Variants in ZSWIM5 observed in about 807,000 individuals in gnomAD.
ZSWIM5 encodes the protein zinc finger SWIM-type containing 5.
ZSWIM5 carries 55 observed loss-of-function variants against 119.6 expected under a neutral mutation model. That is an observed-to-expected ratio of 0.46 (90% CI 0.37 to 0.58). The LOEUF (loss-of-function observed/expected upper bound fraction) is 0.58. ZSWIM5 is among the 20% of genes least tolerant of loss of function. ZSWIM5 has a pLI of 0.00. For missense variants in ZSWIM5, 1,193 were observed against 1,512.8 expected (o/e 0.79, Z 3.51); for synonymous variants, 537 against 606.9 (o/e 0.88, Z 1.69).
chr1:45,078,453 A>G (rs577398096), intron 2 of ZSWIM5, among the ~76,000 whole-genome samples: 139 of 152,298 alleles, frequency 9.1e-4, no homozygotes, highest in African/African-American at 3.2e-3. Context: ...GGTCTAGAAC[A>G]AGATCTGGAA....
intron 1 of ZSWIM5, among the ~76,000 whole-genome samples, chr1:45,177,860 A>G (rs1156915499): frequency 6.6e-6 from 1 of 152,070 alleles, no homozygotes; most frequent in East Asian, 1.9e-4. Flanking sequence ...GTGACTTGAT[A>G]AGGACCAAGG....
At chr1:45,066,447 AG>A (rs1160887638) in intron 2 of ZSWIM5, among the ~76,000 whole-genome samples, 4 of 152,252 alleles carry the variant, frequency 2.6e-5, no homozygotes, top group Non-Finnish European at 5.9e-5. Flanking sequence ...GAAGAGTCAA[AG>A]AAGGCTTCTC....
chr1:45,080,546 C>T (rs1645283667), intron 2 of ZSWIM5, among the ~76,000 whole-genome samples: 1 of 152,208 alleles, frequency 6.6e-6, no homozygotes, highest in Admixed American at 6.5e-5. Context: ...GTTTTTCCTA[C>T]TTCCTCAGTG....
intron 1 of ZSWIM5, among the ~76,000 whole-genome samples, chr1:45,193,506 A>C (rs1457805025): frequency 1.3e-5 from 2 of 152,218 alleles, no homozygotes; most frequent in Non-Finnish European, 2.9e-5. Flanking sequence ...TTTCAAGAGA[A>C]ATGTATAGTA....
In ZSWIM5 at chr1:45,057,283, G is replaced by A. The variant is rs1358214053; in HGVS notation, c.1252+1326C>T. On this transcript the variant is annotated intron_variant, in intron 4 of 13. Transcript: ENST00000359600. This position sits in a 1 kb window ranked among gnomAD's most constrained non-coding sequence, Gnocchi z 4.7. ...GATTCTGAAAGGTTTGAGAACCACT[G>A]TCTTAGCAGAATGCTGAGGGTTTCT... 6.6e-6 allele frequency among the ~76,000 whole-genome samples: 1 copy of A among 152,268 alleles called. No homozygotes were observed. The highest frequency in any genetic ancestry group is 2.4e-5 in the African/African-American group (1 of 41,470).
chr1:45,183,705 G>A (rs1444223880), intron 1 of ZSWIM5, among the ~76,000 whole-genome samples: 2 of 152,176 alleles, frequency 1.3e-5, no homozygotes, highest in Non-Finnish European at 2.9e-5. Flanking sequence ...CCAGGAAGAA[G>A]TTGAATCTCT....
intron 2 of ZSWIM5, among the ~76,000 whole-genome samples, chr1:45,083,195 G>A (rs1478512118): frequency 1.3e-5 from 2 of 152,166 alleles, no homozygotes; most frequent in Non-Finnish European, 2.9e-5. Context: ...TGAGTATAAA[G>A]CAACGTAACA....
In ZSWIM5 at chr1:45,018,918, T is replaced by C. The variant is rs1644871018; in HGVS notation, c.3094A>G (p.Asn1032Asp). 6.2e-7 allele frequency: 1 copy of C among 1,614,078 alleles called. No homozygotes were observed. The highest frequency in any genetic ancestry group is 8.5e-7 in the Non-Finnish European group (1 of 1,180,046). The part of the protein sequence containing the change: ...LAMSHLNLAY[N>D]QDTHPAINDV... ...TTGATGGCTGGGTGAGTATCCTGGT[T>C]GTAGGCCAGGTTAAGATGGCTCATG... is the stretch of plus-strand genomic sequence containing the variant. Residue 1032 changes from asparagine (N) to aspartate (D), a missense_variant, in exon 14 of 14, where the codon AAC becomes GAC. Transcript: ENST00000359600. This position sits in a 1 kb window ranked among gnomAD's most constrained non-coding sequence, Gnocchi z 6.7.
intron 1 of ZSWIM5, among the ~76,000 whole-genome samples, chr1:45,126,162 A>G (rs1402246473): frequency 6.6e-6 from 1 of 151,918 alleles, no homozygotes; most frequent in Non-Finnish European, 1.5e-5. Flanking sequence ...AAATTGAAAT[A>G]AACCAAGCAG....
intron 8 of ZSWIM5, among the ~76,000 whole-genome samples, chr1:45,038,602 G>GTTTTTTTTTTTTTT (rs1644999570): frequency 8.1e-4 from 3 of 3,712 alleles, no homozygotes; most frequent in Non-Finnish European, 2.4e-3. Context: ...GACGAGGGCA[G>GTTTTTTTTTTTTTT]TCTTTTTTTT....
intron 1 of ZSWIM5, among the ~76,000 whole-genome samples, chr1:45,117,719 T>C (rs1645566881): frequency 6.6e-6 from 1 of 152,148 alleles, no homozygotes; most frequent in Non-Finnish European, 1.5e-5. Flanking sequence ...TACACTAGTT[T>C]AAACCAATAG....
Position 45,060,228 on chromosome 1 carries a change from A to G in ZSWIM5, c.972T>C (p.Ala324=). Residue 324 remains alanine (A), a synonymous_variant, in exon 3 of 14, where the codon GCT becomes GCC. Coordinates refer to ENST00000359600, the MANE Select transcript of ZSWIM5 (RefSeq NM_020883.2). ...AGTTCTCATCGTCAATGCTGGCCCC[A>G]GCTGTGGGGTCAGGGGCACCTATGA... The part of the protein sequence containing the change: ...NQVNGAPDPT[A]GASIDDENCW... 1 of 1,613,970 alleles carries G rather than the reference A, an allele frequency of 6.2e-7. No individual in the cohort carries two copies. The highest frequency in any genetic ancestry group is 8.5e-7 in the Non-Finnish European group (1 of 1,180,020).
At chr1:45,191,832 T>C (rs1557794720) in intron 1 of ZSWIM5, among the ~76,000 whole-genome samples, 1 of 152,234 alleles carries the variant, frequency 6.6e-6, no homozygotes, top group Non-Finnish European at 1.5e-5. Flanking sequence ...GAATATTTGC[T>C]TTTCTAATGA....
intron 2 of ZSWIM5, among the ~76,000 whole-genome samples, chr1:45,067,248 G>A (rs983211657): frequency 1.3e-5 from 2 of 151,940 alleles, no homozygotes; most frequent in Non-Finnish European, 2.9e-5. Context: ...GACCAGCCTG[G>A]GCAACACAGT....
At chr1:45,136,491 G>A (rs762828229) in intron 1 of ZSWIM5, among the ~76,000 whole-genome samples, 24 of 151,766 alleles carry the variant, frequency 1.6e-4, no homozygotes, top group Non-Finnish European at 3.2e-4. Context: ...TGACGTTAAC[G>A]TATACATCTG....
At chr1:45,182,895 G>A (rs1183158658) in intron 1 of ZSWIM5, among the ~76,000 whole-genome samples, 1 of 151,770 alleles carries the variant, frequency 6.6e-6, no homozygotes, top group African/African-American at 2.4e-5. Context: ...GCACCAAGCA[G>A]ACCTAATAGA....
chr1:45,139,724 A>G (rs1056304607), intron 1 of ZSWIM5, among the ~76,000 whole-genome samples: 3 of 94,848 alleles, frequency 3.2e-5, no homozygotes, highest in African/African-American at 1.3e-4. Flanking sequence ...TTTTTGGTAG[A>G]GACAGGGTCT....
At position 45,087,936 on chromosome 1, in the gene ZSWIM5, T is replaced by G. The variant is rs1466768652; in HGVS notation, c.897A>C (p.Ala299=). The change falls in exon 2 of 14, where the codon GCA becomes GCC. Residue 299 remains alanine (A), a synonymous_variant. Coordinates refer to ENST00000359600, the MANE Select transcript of ZSWIM5 (RefSeq NM_020883.2). ...ATAGAATCTCATCTGCCAGTTTCTG[T>G]GCAGTAGGAAGAACTTCAGTGTGGT... ...TAHHTEVLPT[A]QKLADEILSS... 3 of 1,613,994 alleles carry G rather than the reference T, an allele frequency of 1.9e-6. No homozygotes were observed. The highest frequency in any genetic ancestry group is 2.5e-6 in the Non-Finnish European group (3 of 1,179,978).
intron 1 of ZSWIM5, among the ~76,000 whole-genome samples, chr1:45,096,201 A>G (rs1163722800): frequency 6.6e-6 from 1 of 152,174 alleles, no homozygotes; most frequent in African/African-American, 2.4e-5. Context: ...GGATATAGAT[A>G]AATTGTGGGG....
Sources: allele counts gnomAD v4.1 joint callset (sites outside exome capture counted in the v4.1 genomes callset), GRCh38; gene constraint gnomAD v4.1.1; non-coding constraint Gnocchi (gnomAD v3.1); transcripts MANE v1.5; gene names NCBI Gene and HGNC (gene_info 2026-07-23, HGNC 2026-07-21).